The following KIF2A variants were observed in gnomAD, a reference collection of about 807,000 sequenced individuals.
KIF2A encodes kinesin family member 2A, also known as kinesin-like protein KIF2A.
A neutral mutation model predicts 100.2 loss-of-function variants in KIF2A; 22 were observed. The ratio of observed to expected loss-of-function variants is 0.22; its 90% CI spans 0.16 to 0.31. The LOEUF is 0.31. KIF2A is among the 10% of genes least tolerant of loss of function. The pLI, the probability that KIF2A is intolerant of heterozygous loss-of-function variation, is 1.00. For missense variants in KIF2A, 495 were observed against 898.7 expected (o/e 0.55, Z 5.74); for synonymous variants, 268 against 285.9 (o/e 0.94, Z 0.63).
chr5:62,314,891 T>C (rs919172086), intron 1 of KIF2A, among the ~76,000 whole-genome samples: 2 of 150,258 alleles, frequency 1.3e-5, no homozygotes, highest in Non-Finnish European at 3.0e-5. Flanking sequence ...GCCTCCCCAG[T>C]AGCTGAGATT....
Position 62,357,683 on chromosome 5 carries a change from A to G in KIF2A, c.655-8A>G. The G allele has an allele frequency of 6.8e-7, 1 of 1,464,838 alleles. No individual in the cohort carries two copies. Among genetic ancestry groups the G allele is most frequent in the Non-Finnish European group, 9.4e-7 (1 of 1,061,232 alleles). The allele number at this position is 1,464,838 out of a possible 1,614,324, so 90.7% of individuals were successfully genotyped here. ...TAATCACTGAAATAAAATACTTTTT[A>G]TTTCTAGATTGATGAACATAGGATA... On this transcript the variant is annotated splice_region_variant and splice_polypyrimidine_tract_variant and intron_variant, in intron 7 of 20. Transcript: ENST00000407818.
intron 1 of KIF2A, among the ~76,000 whole-genome samples, chr5:62,332,707 G>A (rs984858856): frequency 2.4e-4 from 37 of 152,174 alleles, no homozygotes; most frequent in Non-Finnish European, 4.6e-4. Context: ...GTATCAACAC[G>A]AACTCCCTAA....
Position 62,388,447 on chromosome 5 carries a change from T to C in KIF2A, c.*2878T>C, listed in dbSNP as rs1314812969. On this transcript the variant is annotated 3_prime_UTR_variant, in exon 21 of 21. Transcript: ENST00000407818. ...ACCCTAAGTCTCTGACGCTATAGGATAGCGAAAGAGGTAGGCAATCGTAAC... is the reference window on the plus strand; with the variant it reads ...ACCCTAAGTCTCTGACGCTATAGGACAGCGAAAGAGGTAGGCAATCGTAAC... 6.6e-6 allele frequency: 1 copy of C among 152,634 alleles called. No homozygotes were observed. The highest frequency in any genetic ancestry group is 6.5e-5 in the Admixed American group (1 of 15,272). The allele number at this position is 152,634 out of a possible 1,614,324, so 9.5% of individuals were successfully genotyped here.
intron 17 of KIF2A, among the ~76,000 whole-genome samples, chr5:62,373,447 T>A (rs1741404901): frequency 6.6e-6 from 1 of 151,974 alleles, no homozygotes; most frequent in African/African-American, 2.4e-5. Flanking sequence ...CTCATTTAAT[T>A]TACACAATAA....
In KIF2A at chr5:62,388,398, G is replaced by A. The variant is rs904815900; in HGVS notation, c.*2829G>A. On this transcript the variant is annotated 3_prime_UTR_variant, in exon 21 of 21. Coordinates refer to ENST00000407818, the MANE Select transcript of KIF2A (RefSeq NM_001098511.3). ...ATATGCCTGGCACTGCACGGTGGCA[G>A]TAGCAGACTTGGGCTTACCCAGAAC... 1 of 152,310 alleles carries A rather than the reference G, an allele frequency of 6.6e-6. No individual in the cohort carries two copies. Among genetic ancestry groups the A allele is most frequent in the African/African-American group, 2.4e-5 (1 of 41,454 alleles). 9.4% of individuals were successfully genotyped at this position (152,310 alleles called of 1,614,324 possible). A position where few individuals can be genotyped will look rare whatever the true frequency, so the allele number is the denominator to read the frequency against.
Position 62,359,926 on chromosome 5 carries a change from TACAAA to T in KIF2A, c.873-1305_873-1301del, listed in dbSNP as rs1156631859. ...CTGTACTTTCTTCAGTTTTGCCTTT[TACAAA>T]ACAAAACAAAGACAGCAGTTATATA... is the stretch of plus-strand genomic sequence containing the variant. On this transcript the variant is annotated intron_variant, in intron 9 of 20. Transcript: ENST00000407818. Among the ~76,000 whole-genome samples the T allele has an allele frequency of 5.3e-5, 8 of 152,160 alleles. No homozygotes were observed. In the East Asian group the frequency reaches 1.5e-3, roughly 29 times the overall value.
In KIF2A at chr5:62,310,493, T is replaced by C. The variant is rs574628686; in HGVS notation, c.64+3957T>C. On this transcript the variant is annotated intron_variant, in intron 1 of 20. Coordinates refer to ENST00000407818, the MANE Select transcript of KIF2A (RefSeq NM_001098511.3). ...TATTGGATTTTTTGTTTTCAAACAT[T>C]TTAATTAATCATTAGAATGACATCT... Among the ~76,000 whole-genome samples, 62 of 152,232 alleles carry C rather than the reference T, an allele frequency of 4.1e-4. 1 individual carries two copies. Among genetic ancestry groups the C allele is most frequent in the Non-Finnish European group, 1.3e-4 (9 of 68,048 alleles).
In KIF2A at chr5:62,389,033, C is replaced by T. The variant is rs374161183; in HGVS notation, c.*3464C>T. 8.8e-5 allele frequency: 142 copies of T among 1,609,514 alleles called. No homozygotes were observed. The highest frequency in any genetic ancestry group is 1.7e-4 in the Middle Eastern group (1 of 6,058). On this transcript the variant is annotated 3_prime_UTR_variant, in exon 21 of 21. Transcript: ENST00000407818. ...ACCTAGGAAAAATGAATACCTTCTG[C>T]GTTGAATCCATGTAGCAATCTGAAA...
rs1742253458 is a variant in KIF2A, at chr5:62,390,538, A to C, written c.*4969A>C. On this transcript the variant is annotated 3_prime_UTR_variant, in exon 21 of 21. Transcript: ENST00000407818. ...TTTTCTACCTTATGGACTATTTTGGAGGGATAAGCTATTAAGACTAAGACT... is the reference window on the plus strand; with the variant it reads ...TTTTCTACCTTATGGACTATTTTGGCGGGATAAGCTATTAAGACTAAGACT... 6.6e-6 allele frequency among the ~76,000 whole-genome samples: 1 copy of C among 152,160 alleles called. No individual in the cohort carries two copies.
chr5:62,371,289 T>C (rs970161346), intron 16 of KIF2A, among the ~76,000 whole-genome samples: 1 of 152,148 alleles, frequency 6.6e-6, no homozygotes, highest in African/African-American at 2.4e-5. Flanking sequence ...TTTTTCAGCA[T>C]GTGTGGTAAA....
intron 20 of KIF2A, among the ~76,000 whole-genome samples, chr5:62,383,539 G>A (rs116388803): frequency 0.013 from 1,927 of 152,080 alleles, 35 homozygotes; most frequent in African/African-American, 0.043. Context: ...CACCACGCCC[G>A]GCCTGCACAG....
intron 18 of KIF2A, among the ~76,000 whole-genome samples, chr5:62,374,504 T>C (rs247219): frequency 0.25 from 37,404 of 151,778 alleles, 4,696 homozygotes; most frequent in Middle Eastern, 0.3. Context: ...TAAAGTAATA[T>C]AGGGAAAAAC....
chr5:62,339,765 CAAAA>C (rs546300639), intron 1 of KIF2A, among the ~76,000 whole-genome samples: 2 of 118,458 alleles, frequency 1.7e-5, no homozygotes, highest in Non-Finnish European at 1.8e-5. Context: ...TAGTATTGAG[CAAAA>C]AAAAAAAACA....
chr5:62,350,492 C>G (rs893648601), intron 4 of KIF2A, among the ~76,000 whole-genome samples: 1 of 152,052 alleles, frequency 6.6e-6, no homozygotes, highest in African/African-American at 2.4e-5. Flanking sequence ...CTGGGCTGGT[C>G]TTGAACTCCT....
At chr5:62,376,038 A>G (rs902621210) in intron 18 of KIF2A, among the ~76,000 whole-genome samples, 7 of 152,354 alleles carry the variant, frequency 4.6e-5, no homozygotes, top group African/African-American at 1.7e-4. Flanking sequence ...TAAACCCTGC[A>G]TTGCATCTAG....
At chr5:62,353,652 A>G (rs779192066) in intron 6 of KIF2A, among the ~76,000 whole-genome samples, 1 of 152,176 alleles carries the variant, frequency 6.6e-6, no homozygotes, top group Non-Finnish European at 1.5e-5. Flanking sequence ...TCTAATGTGT[A>G]TGGTGTAACA....
intron 15 of KIF2A, 39 bp from the exon 16 acceptor site, chr5:62,366,375 T>C (rs760259987): frequency 8.6e-6 from 11 of 1,282,572 alleles, no homozygotes; most frequent in African/African-American, 4.4e-5. Context: ...TGATCATTTA[T>C]AACATTTTGT....
In KIF2A at chr5:62,387,606, GA is replaced by G. The variant is rs773051263; in HGVS notation, c.*2041del. On this transcript the variant is annotated 3_prime_UTR_variant, in exon 21 of 21. Transcript: ENST00000407818. ...TACAGATAGTGAAAACTGAAGGCCA[GA>G]AAAGGAACTAAAACTCAGCAGTTCA... 4 of 152,082 alleles carry G rather than the reference GA, an allele frequency of 2.6e-5. No individual in the cohort carries two copies. Among genetic ancestry groups the G allele is most frequent in the Non-Finnish European group, 5.9e-5 (4 of 68,014 alleles). The allele number at this position is 152,082 out of a possible 1,614,324, so 9.4% of individuals were successfully genotyped here. A position where few individuals can be genotyped will look rare whatever the true frequency, so the allele number is the denominator to read the frequency against.
At position 62,345,025 on chromosome 5, in the gene KIF2A, C is replaced by G. The variant is rs369435046; in HGVS notation, c.65-2105C>G. On this transcript the variant is annotated intron_variant, in intron 1 of 20. Transcript: ENST00000407818. ...CTTATGGAGGCCAAGGTGGGCAGAT[C>G]GCCTGAGGCCAGGAGTTTGAGATCA... Among the ~76,000 whole-genome samples the G allele has an allele frequency of 4.1e-4, 63 of 152,184 alleles. No individual in the cohort carries two copies. The East Asian group carries it at 7.7e-3, about 19-fold the overall frequency.
Sources: gnomAD v4.1 joint callset for allele counts (sites outside exome capture counted in the v4.1 genomes callset) on GRCh38, gnomAD v4.1.1 for gene constraint, MANE v1.5 for transcripts, NCBI Gene and HGNC (gene_info 2026-07-23, HGNC 2026-07-21) for gene names.